The following TSHZ1 variants were observed in gnomAD, a reference collection of about 807,000 sequenced individuals.
The protein encoded by TSHZ1 is teashirt zinc finger homeobox 1.
TSHZ1 carries 12 observed loss-of-function variants against 67.1 expected under a neutral mutation model. That is an observed-to-expected ratio of 0.18 (90% CI 0.11 to 0.29). The LOEUF (loss-of-function observed/expected upper bound fraction) is 0.29, where lower values mean the gene tolerates loss of function less well. TSHZ1 is among the 10% of genes least tolerant of loss of function. TSHZ1 has a pLI of 1.00. For synonymous variants in TSHZ1, 632 were observed against 622.4 expected, an observed-to-expected ratio of 1.02 and a Z score of -0.23; for missense variants, 1,305 against 1,413.9, an observed-to-expected ratio of 0.92 and a Z score of 1.23.
Position 75,287,773 on chromosome 18 carries a change from C to T in TSHZ1, c.2366C>T (p.Ala789Val). Reference sequence around the variant, plus strand: ...ATGCTGGACAAGCCGGTGTACCCCGCCACCCCTGTGAAGCAGGCCGATGCC... The same window carrying T: ...ATGCTGGACAAGCCGGTGTACCCCGTCACCCCTGTGAAGCAGGCCGATGCC... ...NSMLDKPVYP[A>V]TPVKQADAID... is the part of the protein sequence containing the mutation. Residue 789 changes from alanine (A) to valine (V), a missense_variant, in exon 2 of 2, where the codon GCC becomes GTC. Physicochemically the swap from Ala to Val is moderately conservative, Grantham distance 64. This residue lies in a region of TSHZ1 where 909 missense variants were observed against 961.8 expected (regional missense o/e 0.95). Coordinates refer to ENST00000580243, the MANE Select transcript of TSHZ1 (RefSeq NM_001308210.2). The surrounding 1 kb of genome is among the most constrained non-coding windows in gnomAD (Gnocchi z 5.0). 2 of 1,614,206 alleles carry T rather than the reference C, an allele frequency of 1.2e-6. No individual in the cohort carries two copies.
At chr18:75,243,900 T>G (rs2023189503) in intron 1 of TSHZ1, among the ~76,000 whole-genome samples, 1 of 152,136 alleles carries the variant, frequency 6.6e-6, no homozygotes, top group African/African-American at 2.4e-5. Flanking sequence ...ATGTACGTCC[T>G]GAAGGAACAG....
chr18:75,243,176 C>T (rs367803719), intron 1 of TSHZ1, among the ~76,000 whole-genome samples: 3 of 152,168 alleles, frequency 2.0e-5, no homozygotes, highest in African/African-American at 4.8e-5. Context: ...CAGGCTTACC[C>T]GGGCTGGCCC....
At chr18:75,213,858 CA>C (rs1352441910) in intron 1 of TSHZ1, among the ~76,000 whole-genome samples, 1 of 152,056 alleles carries the variant, frequency 6.6e-6, no homozygotes, top group Non-Finnish European at 1.5e-5. Context: ...CATACTTAAT[CA>C]AAATGCTGCA....
intron 1 of TSHZ1, among the ~76,000 whole-genome samples, chr18:75,273,889 T>A (rs1035592296): frequency 1.3e-5 from 2 of 152,224 alleles, no homozygotes; most frequent in African/African-American, 4.8e-5. Flanking sequence ...TCTATAATTT[T>A]AAATGTTTTA....
chr18:75,279,990 A>T (rs2023665193), intron 1 of TSHZ1, among the ~76,000 whole-genome samples: 1 of 152,264 alleles, frequency 6.6e-6, no homozygotes, highest in African/African-American at 2.4e-5. Flanking sequence ...TCATTCAATG[A>T]TAAATAACTT....
At chr18:75,213,849 A>C (rs1386236823) in intron 1 of TSHZ1, among the ~76,000 whole-genome samples, 1 of 152,234 alleles carries the variant, frequency 6.6e-6, no homozygotes, top group Non-Finnish European at 1.5e-5. Context: ...GACATTTGGC[A>C]TACTTAATCA....
Position 75,287,995 on chromosome 18 carries a change from A to G in TSHZ1, c.2588A>G (p.Glu863Gly). The G allele has an allele frequency of 6.2e-7, 1 of 1,614,200 alleles. No individual in the cohort carries two copies. The highest frequency in any genetic ancestry group is 8.5e-7 in the Non-Finnish European group (1 of 1,180,044). Residue 863 changes from glutamate to glycine, a missense_variant, in exon 2 of 2, where the codon GAG becomes GGG. By Grantham distance (98) the Glu-to-Gly change is moderately conservative. Transcript: ENST00000580243. This position sits in a 1 kb window ranked among gnomAD's most constrained non-coding sequence, Gnocchi z 5.0. ...TCCTCCACGCCCTCCACAGTTTCAG[A>G]GAAGTCCGATGCTGATGGCAGCAGC... is the stretch of plus-strand genomic sequence containing the variant. Reference protein sequence around the residue: ...PKSSTPSTVSEKSDADGSSFE... With the variant: ...PKSSTPSTVSGKSDADGSSFE...
intron 1 of TSHZ1, among the ~76,000 whole-genome samples, chr18:75,272,258 G>A (rs185187810): frequency 4.5e-4 from 69 of 152,310 alleles, no homozygotes; most frequent in African/African-American, 9.9e-4. Context: ...GCAGAACTGC[G>A]CCGGCACGCG....
intron 1 of TSHZ1, among the ~76,000 whole-genome samples, chr18:75,252,645 TTTTTCTAAATGCCA>T (rs1180056735): frequency 6.6e-6 from 1 of 152,222 alleles, no homozygotes; most frequent in Non-Finnish European, 1.5e-5. Context: ...CACCTTATTA[TTTTTCTAAATGCCA>T]TTTATTTAAA....
At chr18:75,242,473 A>G (rs2023169165) in intron 1 of TSHZ1, among the ~76,000 whole-genome samples, 1 of 152,244 alleles carries the variant, frequency 6.6e-6, no homozygotes, top group Admixed American at 6.5e-5. Flanking sequence ...TTTTGATTCC[A>G]TGGTACATGT....
intron 1 of TSHZ1, among the ~76,000 whole-genome samples, chr18:75,243,855 G>A (rs2023188648): frequency 6.6e-6 from 1 of 152,074 alleles, no homozygotes; most frequent in Non-Finnish European, 1.5e-5. Flanking sequence ...ATTATTAATA[G>A]GGTCTTGGTA....
At chr18:75,234,820 A>C (rs1408053914) in intron 1 of TSHZ1, among the ~76,000 whole-genome samples, 15 of 152,206 alleles carry the variant, frequency 9.9e-5, no homozygotes, top group Admixed American at 9.8e-4. Flanking sequence ...TTTGCTGTTC[A>C]TAAAACACTC....
intron 1 of TSHZ1, among the ~76,000 whole-genome samples, chr18:75,223,626 TA>T (rs113456002): frequency 0.31 from 45,609 of 146,386 alleles, 6,914 homozygotes; most frequent in South Asian, 0.39. Context: ...ACAGATTCCT[TA>T]AAAAAAAAAA....
chr18:75,224,819 C>A (rs1266076020), intron 1 of TSHZ1, among the ~76,000 whole-genome samples: 1 of 152,064 alleles, frequency 6.6e-6, no homozygotes, highest in Non-Finnish European at 1.5e-5. Flanking sequence ...TCATTAATCT[C>A]TTTTTCCCTG....
chr18:75,258,604 A>G (rs933223539), intron 1 of TSHZ1, among the ~76,000 whole-genome samples: 2 of 152,236 alleles, frequency 1.3e-5, no homozygotes, highest in Non-Finnish European at 2.9e-5. Context: ...GTGATACAGT[A>G]TATAAATGTG....
chr18:75,253,403 G>C (rs910316274), intron 1 of TSHZ1, among the ~76,000 whole-genome samples: 5 of 152,202 alleles, frequency 3.3e-5, no homozygotes, highest in Non-Finnish European at 5.9e-5. Flanking sequence ...GGAGTGTTTG[G>C]ATTTTTAAAA....
At chr18:75,250,977 C>A (rs141270418) in intron 1 of TSHZ1, among the ~76,000 whole-genome samples, 149 of 152,324 alleles carry the variant, frequency 9.8e-4, no homozygotes, top group Non-Finnish European at 1.9e-3. Context: ...TGCCTCTTTG[C>A]AATGAGTGTA....
At chr18:75,219,679 G>A (rs1371812767) in intron 1 of TSHZ1, among the ~76,000 whole-genome samples, 3 of 152,186 alleles carry the variant, frequency 2.0e-5, no homozygotes, top group Admixed American at 6.5e-5. Context: ...CCACAACAAC[G>A]CAGTATTCTT....
In TSHZ1 at chr18:75,287,313, G is replaced by C. The variant is rs200947838; in HGVS notation, c.1906G>C (p.Val636Leu). 6.2e-7 allele frequency: 1 copy of C among 1,614,030 alleles called. No individual in the cohort carries two copies. The highest frequency in any genetic ancestry group is 8.5e-7 in the Non-Finnish European group (1 of 1,180,044). ...SLTPPPHKSN[V>L]SAMEELVEKV... ...CACGCCCCCACCGCACAAGAGCAAC[G>C]TGTCTGCCATGGAGGAGCTGGTGGA... is the stretch of plus-strand genomic sequence containing the variant. Residue 636 changes from valine to leucine, a missense_variant, in exon 2 of 2, where the codon GTG (valine) becomes CTG (leucine). Val to Leu is a conservative substitution (Grantham distance 32). Around this residue, in one of 3 missense-constraint regions of TSHZ1, gnomAD observed 909 missense variants for 961.8 expected, o/e 0.95. Transcript: ENST00000580243. This position sits in a 1 kb window ranked among gnomAD's most constrained non-coding sequence, Gnocchi z 5.0.
Sources: allele counts gnomAD v4.1 joint callset (sites outside exome capture counted in the v4.1 genomes callset), GRCh38; gene constraint gnomAD v4.1.1; regional missense constraint gnomAD v4.1.1; non-coding constraint Gnocchi (gnomAD v3.1); transcripts MANE v1.5; gene names NCBI Gene and HGNC (gene_info 2026-07-23, HGNC 2026-07-21).